Variants in FRMPD4 observed in about 807,000 individuals in gnomAD.
FRMPD4 encodes FERM and PDZ domain containing 4.
A neutral mutation model predicts 94.1 loss-of-function variants in FRMPD4; 22 were observed. That is an observed-to-expected ratio of 0.23 (90% CI 0.17 to 0.33). The LOEUF (loss-of-function observed/expected upper bound fraction) is 0.33. FRMPD4 is among the 10% of genes least tolerant of loss of function. FRMPD4 has a pLI of 1.00. For synonymous variants in FRMPD4, 631 were observed against 548.6 expected (o/e 1.15, Z -2.10); for missense variants, 1,111 against 1,339.9 (o/e 0.83, Z 2.67).
At chrX:12,517,936 C>T (rs1344773987) in intron 2 of FRMPD4, among the ~76,000 whole-genome samples, 5 of 112,514 alleles carry the variant, frequency 4.4e-5, no homozygotes, top group Non-Finnish European at 9.4e-5. Context: ...AGGCCCCGCC[C>T]GGTGAGTAGA....
intron 1 of FRMPD4, among the ~76,000 whole-genome samples, chrX:11,850,291 A>G (rs1329701575): frequency 8.9e-6 from 1 of 112,533 alleles, no homozygotes; most frequent in Admixed American, 9.4e-5. Flanking sequence ...ACAGAAAATA[A>G]CAAGTGTTAG....
intron 1 of FRMPD4, among the ~76,000 whole-genome samples, chrX:12,185,192 A>G (rs2056409255): frequency 8.9e-6 from 1 of 112,074 alleles, no homozygotes; most frequent in Admixed American, 9.4e-5. Context: ...TAAGGTCTCC[A>G]TTATATAAGA....
At chrX:12,466,110 C>T (rs1045221246) in intron 1 of FRMPD4, among the ~76,000 whole-genome samples, 3 of 111,496 alleles carry the variant, frequency 2.7e-5, no homozygotes, top group Admixed American at 9.6e-5. Context: ...AAAGAGATGA[C>T]GGCCCTAGCT....
chrX:12,116,877 T>C (rs1275784909), intron 3 of FRMPD4, among the ~76,000 whole-genome samples: 1 of 112,374 alleles, frequency 8.9e-6, no homozygotes, highest in Non-Finnish European at 1.9e-5. Context: ...TCCTCCATTT[T>C]CTTTTTTCCC....
At chrX:11,827,090 T>TATATA (rs2053448539) in intron 1 of FRMPD4, among the ~76,000 whole-genome samples, 3 of 75,220 alleles carry the variant, frequency 4.0e-5, no homozygotes, top group Non-Finnish European at 5.5e-5. Flanking sequence ...ATATATAAAA[T>TATATA]ATATATGTTC....
intron 1 of FRMPD4, among the ~76,000 whole-genome samples, chrX:12,493,804 C>G (rs565556829): frequency 4.5e-5 from 5 of 112,184 alleles, no homozygotes; most frequent in African/African-American, 1.3e-4. Flanking sequence ...ATGCTGCGTG[C>G]TACTCTTATT....
intron 1 of FRMPD4, among the ~76,000 whole-genome samples, chrX:12,316,272 G>T (rs2055113196): frequency 9.0e-6 from 1 of 110,534 alleles, no homozygotes; most frequent in African/African-American, 3.3e-5. Context: ...TCAGCCTCCC[G>T]AGTAGCTGGG....
At chrX:12,378,256 G>C (rs2056268773) in intron 1 of FRMPD4, among the ~76,000 whole-genome samples, 1 of 112,540 alleles carries the variant, frequency 8.9e-6, no homozygotes, top group African/African-American at 3.2e-5. Context: ...TTTAGTCGTT[G>C]TTCTTCTTCT....
chrX:12,675,640 T>C (rs1447949614), intron 5 of FRMPD4, among the ~76,000 whole-genome samples: 2 of 111,391 alleles, frequency 1.8e-5, no homozygotes, highest in South Asian at 3.8e-4. Context: ...CAACCGCTAA[T>C]TTCCTTTCTA....
At chrX:12,647,571 C>T (rs1488906602) in intron 4 of FRMPD4, among the ~76,000 whole-genome samples, 1 of 111,812 alleles carries the variant, frequency 8.9e-6, no homozygotes, top group Non-Finnish European at 1.9e-5. Flanking sequence ...AATGAAGAAG[C>T]CTCCTCAATT....
intron 4 of FRMPD4, among the ~76,000 whole-genome samples, chrX:12,619,967 C>T (rs752083962): frequency 8.9e-6 from 1 of 112,930 alleles, no homozygotes; most frequent in African/African-American, 3.2e-5. Context: ...GGCAGGCCTA[C>T]TGACCTCCAT....
intron 3 of FRMPD4, among the ~76,000 whole-genome samples, chrX:12,010,697 A>G (rs2054576418): frequency 1.8e-5 from 2 of 112,726 alleles, no homozygotes; most frequent in Admixed American, 1.9e-4. Context: ...TCCTGCCTCT[A>G]ATCAGATAGA....
intron 1 of FRMPD4, among the ~76,000 whole-genome samples, chrX:11,839,335 G>A (rs533450602): frequency 4.5e-5 from 5 of 111,301 alleles, no homozygotes; most frequent in East Asian, 2.8e-4. Context: ...TTTTATTTGC[G>A]TTTCCTTAAT....
chrX:12,495,020 C>T, intron 1 of FRMPD4: 1 of 736,324 alleles, frequency 1.4e-6, no homozygotes. Context: ...TTGCCTGAGC[C>T]CGGTGGAAAT....
chrX:11,893,459 A>G (rs368748326), intron 3 of FRMPD4, among the ~76,000 whole-genome samples: 5 of 112,353 alleles, frequency 4.5e-5, no homozygotes, highest in African/African-American at 9.7e-5. Context: ...CTTACTGCCT[A>G]TCAAGTATCT....
intron 1 of FRMPD4, among the ~76,000 whole-genome samples, chrX:11,840,947 A>G (rs1481164863): frequency 3.5e-5 from 3 of 86,657 alleles, no homozygotes; most frequent in Non-Finnish European, 6.4e-5. Flanking sequence ...TCCTGTGTCC[A>G]TGTGTTCTCA....
At chrX:11,910,942 A>AG (rs890586652) in intron 3 of FRMPD4, among the ~76,000 whole-genome samples, 2 of 111,515 alleles carry the variant, frequency 1.8e-5, no homozygotes, top group African/African-American at 6.5e-5. Context: ...GCCCACAAAA[A>AG]AAAAAAAAAC....
intron 4 of FRMPD4, among the ~76,000 whole-genome samples, chrX:12,655,821 T>C (rs1197598489): frequency 2.7e-5 from 3 of 112,090 alleles, no homozygotes; most frequent in African/African-American, 9.7e-5. Flanking sequence ...CCCCTTTCCT[T>C]TCCCAAATCT....
chrX:12,164,292 C>T (rs777298277), intron 1 of FRMPD4, among the ~76,000 whole-genome samples: 4 of 110,978 alleles, frequency 3.6e-5, no homozygotes, highest in South Asian at 7.7e-4. Context: ...TGAGAACATG[C>T]GGTGTTTGTT....
Sources: allele counts gnomAD v4.1 joint callset (sites outside exome capture counted in the v4.1 genomes callset), GRCh38; gene constraint gnomAD v4.1.1; transcripts MANE v1.5; gene names NCBI Gene and HGNC (gene_info 2026-07-23, HGNC 2026-07-21).